NXPH1: variants seen among roughly 807,000 people sequenced by gnomAD.
NXPH1 encodes neurexophilin 1, also known as neurexophilin-1.
Under a neutral mutation model 23.7 loss-of-function variants are expected in NXPH1, and 5 were observed. The observed-to-expected ratio is 0.21, with a 90% CI of 0.11 to 0.44. NXPH1 has a LOEUF of 0.44. Ranked by LOEUF, NXPH1 falls within the 20% of genes least tolerant of loss-of-function variation. The probability of loss-of-function intolerance (pLI) is 0.99; values close to 1 mark genes in which losing one functional copy is unlikely to be tolerated. For missense variants in NXPH1, 324 were observed against 321.6 expected, an observed-to-expected ratio of 1.01 and a Z score of -0.06; for synonymous variants, 144 against 122.2, an observed-to-expected ratio of 1.18 and a Z score of -1.18.
intron 2 of NXPH1, among the ~76,000 whole-genome samples, chr7:8,618,940 A>G (rs562794112): frequency 1.0e-3 from 158 of 152,314 alleles, no homozygotes; most frequent in Non-Finnish European, 1.9e-3. Context: ...TTTTCATGGC[A>G]AGAATCTGGT....
At chr7:8,537,815 G>T (rs1584219247) in intron 2 of NXPH1, among the ~76,000 whole-genome samples, 2 of 151,744 alleles carry the variant, frequency 1.3e-5, no homozygotes, top group Non-Finnish European at 2.9e-5. Context: ...TCTGTAATTG[G>T]TATTTTTTTC....
intron 2 of NXPH1, among the ~76,000 whole-genome samples, chr7:8,663,427 C>G (rs756833050): frequency 6.6e-6 from 1 of 151,992 alleles, no homozygotes; most frequent in Non-Finnish European, 1.5e-5. Flanking sequence ...TAGATTAATT[C>G]CAAGTTCTCT....
chr7:8,716,412 A>T (rs1779879479), intron 2 of NXPH1, among the ~76,000 whole-genome samples: 1 of 152,168 alleles, frequency 6.6e-6, no homozygotes, highest in South Asian at 2.1e-4. Context: ...AAACGGCACC[A>T]ATATTGTTTG....
At chr7:8,613,356 T>C (rs1819660324) in intron 2 of NXPH1, among the ~76,000 whole-genome samples, 1 of 152,040 alleles carries the variant, frequency 6.6e-6, no homozygotes, top group Non-Finnish European at 1.5e-5. Context: ...AGAATCTCTA[T>C]GCTCACTCAA....
At chr7:8,678,928 ATTTTTTTTTTTTTTTTTTTTTTT>A (rs540056222) in intron 2 of NXPH1, among the ~76,000 whole-genome samples, 5 of 68,764 alleles carry the variant, frequency 7.3e-5, no homozygotes, top group Admixed American at 1.6e-4. Flanking sequence ...GCTTTATCCA[ATTTTTTTTTTTTTTTTTTTTTTT>A]TTTTTTTTTT....
intron 2 of NXPH1, among the ~76,000 whole-genome samples, chr7:8,544,784 A>G (rs1301235950): frequency 6.6e-6 from 1 of 151,656 alleles, no homozygotes; most frequent in Non-Finnish European, 1.5e-5. Flanking sequence ...TCTATTCTAG[A>G]CATGAAGCAT....
At chr7:8,534,711 T>C (rs145407321) in intron 2 of NXPH1, among the ~76,000 whole-genome samples, 1 of 152,246 alleles carries the variant, frequency 6.6e-6, no homozygotes, top group Non-Finnish European at 1.5e-5. Context: ...TTTGACATGA[T>C]TTCAGGTCTC....
Position 8,605,665 on chromosome 7 carries a change from T to C in NXPH1, c.55-145343T>C, listed in dbSNP as rs531189683. 1.9e-4 allele frequency among the ~76,000 whole-genome samples: 29 copies of C among 152,212 alleles called. No individual in the cohort carries two copies. In the South Asian group the frequency reaches 5.6e-3, roughly 29 times the overall value. ...AGATGTTCAACGTCAGAGATCAAAA[T>C]ACCAATTTTGCCTACAAAAGAGTTG... On this transcript the variant is annotated intron_variant, in intron 2 of 2. Coordinates refer to ENST00000405863, the MANE Select transcript of NXPH1 (RefSeq NM_152745.3).
At chr7:8,475,775 G>A (rs1271404723) in intron 2 of NXPH1, among the ~76,000 whole-genome samples, 1 of 152,026 alleles carries the variant, frequency 6.6e-6, no homozygotes, top group East Asian at 1.9e-4. Flanking sequence ...AAATAAGAAG[G>A]ATATAATATC....
At chr7:8,459,448 TAC>T (rs1407357305) in intron 2 of NXPH1, among the ~76,000 whole-genome samples, 2 of 152,190 alleles carry the variant, frequency 1.3e-5, no homozygotes, top group African/African-American at 4.8e-5. Context: ...ATAGTATAAT[TAC>T]AGTTTCATCA....
At chr7:8,604,373 G>A (rs945213226) in intron 2 of NXPH1, among the ~76,000 whole-genome samples, 1 of 152,070 alleles carries the variant, frequency 6.6e-6, no homozygotes, top group African/African-American at 2.4e-5. Flanking sequence ...CTCTTTGAGT[G>A]GTACAAATGG....
chr7:8,647,600 T>A (rs1820416696), intron 2 of NXPH1, among the ~76,000 whole-genome samples: 1 of 152,092 alleles, frequency 6.6e-6, no homozygotes, highest in South Asian at 2.1e-4. Flanking sequence ...GGTTTTTATA[T>A]CTCTAAATGA....
intron 2 of NXPH1, among the ~76,000 whole-genome samples, chr7:8,598,403 G>A (rs1006211068): frequency 1.5e-4 from 23 of 152,128 alleles, no homozygotes; most frequent in African/African-American, 5.5e-4. Flanking sequence ...GCTAATATTG[G>A]GGCACATAGA....
At chr7:8,637,903 C>T (rs1296200841) in intron 2 of NXPH1, among the ~76,000 whole-genome samples, 1 of 152,094 alleles carries the variant, frequency 6.6e-6, no homozygotes, top group Non-Finnish European at 1.5e-5. Flanking sequence ...TTTAAATGTG[C>T]TCCTGGTTTT....
chr7:8,528,681 G>A (rs1202625532), intron 2 of NXPH1, among the ~76,000 whole-genome samples: 1 of 152,148 alleles, frequency 6.6e-6, no homozygotes, highest in Non-Finnish European at 1.5e-5. Flanking sequence ...TTGTTGAAGA[G>A]TAGAAAGAGA....
chr7:8,449,398 G>A (rs747435235), intron 2 of NXPH1, among the ~76,000 whole-genome samples: 42 of 152,232 alleles, frequency 2.8e-4, no homozygotes, highest in Middle Eastern at 6.8e-3. Flanking sequence ...AGGATAAAAC[G>A]TTCCATATTT....
chr7:8,697,088 G>A (rs1296991431), intron 2 of NXPH1, among the ~76,000 whole-genome samples: 1 of 149,774 alleles, frequency 6.7e-6, no homozygotes, highest in African/African-American at 2.5e-5. Context: ...AGCCAGGGAG[G>A]CAGAGTTTGC....
chr7:8,553,941 A>G (rs1296219461), intron 2 of NXPH1, among the ~76,000 whole-genome samples: 2 of 151,680 alleles, frequency 1.3e-5, no homozygotes, highest in African/African-American at 2.4e-5. Flanking sequence ...TTTATTTCCA[A>G]GAACATTTCT....
At chr7:8,585,779 G>A (rs1056892838) in intron 2 of NXPH1, among the ~76,000 whole-genome samples, 1 of 152,190 alleles carries the variant, frequency 6.6e-6, no homozygotes, top group Non-Finnish European at 1.5e-5. Flanking sequence ...GGCAGGGCAG[G>A]CAGACAGCCA....
Sources: allele counts gnomAD v4.1 joint callset (sites outside exome capture counted in the v4.1 genomes callset), GRCh38; gene constraint gnomAD v4.1.1; transcripts MANE v1.5; gene names NCBI Gene and HGNC (gene_info 2026-07-23, HGNC 2026-07-21).